Variants in DMD observed in about 807,000 individuals in gnomAD.
DMD encodes the protein mutant dystrophin.
In DMD, 63 loss-of-function variants were observed where a neutral mutation model predicts 330.1. The observed-to-expected ratio is 0.19, with a 90% CI of 0.16 to 0.24. The LOEUF (loss-of-function observed/expected upper bound fraction) is 0.24. Ranked by LOEUF, DMD falls within the 10% of genes least tolerant of loss-of-function variation. The probability of loss-of-function intolerance (pLI) is 1.00; values close to 1 mark genes in which losing one functional copy is unlikely to be tolerated. For synonymous variants in DMD, 1,223 were observed against 959.8 expected (o/e 1.27, Z -5.07); for missense variants, 3,344 against 2,684.1 (o/e 1.25, Z -5.43).
intron 47 of DMD, among the ~76,000 whole-genome samples, chrX:31,925,361 T>A (rs2094755166): frequency 1.8e-5 from 2 of 111,238 alleles, no homozygotes; most frequent in African/African-American, 6.5e-5. Flanking sequence ...AAATAAAGAA[T>A]GATAAAGCAT....
intron 48 of DMD, among the ~76,000 whole-genome samples, chrX:31,838,922 AACTTAAT>A (rs1434300858): frequency 8.9e-6 from 1 of 111,829 alleles, no homozygotes; most frequent in Non-Finnish European, 1.9e-5. Flanking sequence ...ATCTTACAAC[AACTTAAT>A]AACATATCCA....
At chrX:32,888,931 TG>T (rs997489886) in intron 2 of DMD, among the ~76,000 whole-genome samples, 2 of 111,149 alleles carry the variant, frequency 1.8e-5, no homozygotes, top group Admixed American at 1.9e-4. Flanking sequence ...TTTTTTTTTT[TG>T]GAAAAAAATG....
intron 9 of DMD, among the ~76,000 whole-genome samples, chrX:32,654,127 T>C (rs964792288): frequency 4.5e-5 from 5 of 111,362 alleles, no homozygotes; most frequent in Non-Finnish European, 9.4e-5. Context: ...CTTTTCCTAA[T>C]TGAATACCCT....
chrX:32,317,379 A>C (rs5971620), intron 41 of DMD, among the ~76,000 whole-genome samples: 1 of 110,142 alleles, frequency 9.1e-6, no homozygotes, highest in Admixed American at 9.7e-5. Flanking sequence ...TCTAAACTTA[A>C]AGTCAAAACA....
At chrX:32,293,884 C>T (rs1346059991) in intron 42 of DMD, among the ~76,000 whole-genome samples, 3 of 111,407 alleles carry the variant, frequency 2.7e-5, no homozygotes, top group Non-Finnish European at 5.7e-5. Context: ...GTTATTAATG[C>T]CCTAAAAGCC....
chrX:32,698,544 G>C (rs770035401), intron 8 of DMD, among the ~76,000 whole-genome samples: 1 of 111,555 alleles, frequency 9.0e-6, no homozygotes, highest in African/African-American at 3.3e-5. Context: ...TTGAGAGAAA[G>C]AACAAGCCAA....
At chrX:32,721,223 G>A (rs192626647) in intron 7 of DMD, among the ~76,000 whole-genome samples, 137 of 110,720 alleles carry the variant, frequency 1.2e-3, no homozygotes, top group African/African-American at 4.4e-3. Flanking sequence ...CTATACCCAG[G>A]AGTGGGATTG....
At chrX:32,308,001 T>G (rs1474080148) in intron 42 of DMD, among the ~76,000 whole-genome samples, 1 of 110,234 alleles carries the variant, frequency 9.1e-6, no homozygotes, top group Non-Finnish European at 1.9e-5. Flanking sequence ...AAATATTACT[T>G]ATGTGTATGT....
chrX:31,670,905 C>CA (rs1469909618), intron 53 of DMD, among the ~76,000 whole-genome samples: 1 of 107,857 alleles, frequency 9.3e-6, no homozygotes, highest in Non-Finnish European at 1.9e-5. Context: ...ATTCAATCCA[C>CA]AAAACCTTCT....
intron 63 of DMD, among the ~76,000 whole-genome samples, chrX:31,253,368 T>C (rs1486082370): frequency 8.9e-6 from 1 of 112,045 alleles, no homozygotes; most frequent in African/African-American, 3.2e-5. Context: ...AGTAGCTTAG[T>C]GGAGAACAGT....
chrX:31,418,419 G>A (rs2063182835), intron 60 of DMD, among the ~76,000 whole-genome samples: 1 of 111,504 alleles, frequency 9.0e-6, no homozygotes, highest in Non-Finnish European at 1.9e-5. Context: ...TATGAATTTT[G>A]GGGAGACACA....
At chrX:31,580,143 G>A (rs940445368) in intron 55 of DMD, among the ~76,000 whole-genome samples, 5 of 111,675 alleles carry the variant, frequency 4.5e-5, no homozygotes, top group South Asian at 3.7e-4. Flanking sequence ...CCTTAATTCC[G>A]TCTGGAATAT....
Position 32,411,867 on chromosome X carries a change from T to C in DMD, c.4118A>G (p.Gln1373Arg), listed in dbSNP as rs754116215. Residue 1373 changes from glutamine (Q) to arginine (R), a missense_variant, in exon 30 of 79, where the codon CAG (glutamine) becomes CGG (arginine). By Grantham distance (43) the Gln-to-Arg change is conservative (BLOSUM62 1). Coordinates refer to ENST00000357033, the MANE Select transcript of DMD (RefSeq NM_004006.3). ...KLLEQSIQSA[Q>R]ETEKSLHLIQ... The stretch of plus-strand genomic sequence containing the variant: ...TAAGTGTAAGGATTTTTCAGTCTCC[T>C]GGGCAGACTGGATGCTCTGTTCAAG... 2.2e-5 allele frequency: 27 copies of C among 1,210,503 alleles called. No individual in the cohort carries two copies. Among genetic ancestry groups the C allele is most frequent in the Non-Finnish European group, 3.0e-5 (27 of 894,690 alleles).
chrX:32,965,526 G>T (rs1367070768), intron 2 of DMD, among the ~76,000 whole-genome samples: 2 of 105,305 alleles, frequency 1.9e-5, no homozygotes, highest in Non-Finnish European at 1.9e-5. Context: ...GGGTGGGGGG[G>T]TTACTTGGGA....
At chrX:31,528,060 T>C (rs907869688) in intron 55 of DMD, among the ~76,000 whole-genome samples, 1 of 111,592 alleles carries the variant, frequency 9.0e-6, no homozygotes, top group Non-Finnish European at 1.9e-5. Flanking sequence ...TTTCTTAACA[T>C]GGTTCTTTGT....
intron 19 of DMD, among the ~76,000 whole-genome samples, chrX:32,497,262 A>C (rs1057018032): frequency 1.8e-5 from 2 of 112,384 alleles, no homozygotes; most frequent in Non-Finnish European, 3.8e-5. Context: ...TGTGCCATTT[A>C]ATTACAACAG....
intron 52 of DMD, among the ~76,000 whole-genome samples, chrX:31,694,084 A>C (rs1351959908): frequency 5.4e-5 from 6 of 111,489 alleles, no homozygotes; most frequent in African/African-American, 1.6e-4. Context: ...TAAGACAAAG[A>C]GGACTAAAAT....
chrX:32,996,814 C>CAA (rs765407106), intron 2 of DMD, among the ~76,000 whole-genome samples: 4,085 of 81,675 alleles, frequency 0.05, 83 homozygotes, highest in Middle Eastern at 0.15. Context: ...AAGACTGTTT[C>CAA]AAAAAAAAAA....
chrX:32,339,792 T>C (rs1337996903), intron 41 of DMD, among the ~76,000 whole-genome samples: 2 of 111,962 alleles, frequency 1.8e-5, no homozygotes, highest in Non-Finnish European at 3.8e-5. Context: ...TGTAAAGACA[T>C]GAAAGATGAA....
Sources: allele counts gnomAD v4.1 joint callset (sites outside exome capture counted in the v4.1 genomes callset), GRCh38; gene constraint gnomAD v4.1.1; transcripts MANE v1.5; gene names NCBI Gene and HGNC (gene_info 2026-07-23, HGNC 2026-07-21).